The following ATXN1 variants were observed in gnomAD, a reference collection of about 807,000 sequenced individuals.
ATXN1 encodes ataxin-1.
A neutral mutation model predicts 56.4 loss-of-function variants in ATXN1; 8 were observed. That is an observed-to-expected ratio of 0.14 (90% CI 0.08 to 0.26). The LOEUF is 0.26. Ranked by LOEUF, ATXN1 falls within the 10% of genes least tolerant of loss-of-function variation. The pLI is 1.00. For synonymous variants in ATXN1, 514 were observed against 494.6 expected, an observed-to-expected ratio of 1.04 and a Z score of -0.52; for missense variants, 987 against 1,106.5, an observed-to-expected ratio of 0.89 and a Z score of 1.53.
At chr6:16,732,580 CAA>C (rs777300012) in intron 2 of ATXN1, among the ~76,000 whole-genome samples, 1 of 150,744 alleles carries the variant, frequency 6.6e-6, no homozygotes, top group East Asian at 1.9e-4. Flanking sequence ...CACACACACA[CAA>C]AAAAAAATCA....
At chr6:16,499,662 A>G (rs1760844741) in intron 5 of ATXN1, among the ~76,000 whole-genome samples, 1 of 152,182 alleles carries the variant, frequency 6.6e-6, no homozygotes, top group Non-Finnish European at 1.5e-5. Context: ...ACACCCACCC[A>G]TTAAGATTGG....
At chr6:16,538,321 C>T (rs1024073925) in intron 4 of ATXN1, among the ~76,000 whole-genome samples, 4 of 152,132 alleles carry the variant, frequency 2.6e-5, no homozygotes, top group African/African-American at 9.7e-5. Flanking sequence ...TAATATAGCA[C>T]AAAGCACTTA....
At chr6:16,565,105 C>A (rs1762192806) in intron 4 of ATXN1, among the ~76,000 whole-genome samples, 1 of 152,314 alleles carries the variant, frequency 6.6e-6, no homozygotes, top group Admixed American at 6.5e-5. Flanking sequence ...CATTCTGTTT[C>A]CCCATATGAG....
intron 6 of ATXN1, among the ~76,000 whole-genome samples, chr6:16,367,362 TCACACACACACACA>T (rs67144687): frequency 6.9e-6 from 1 of 144,458 alleles, no homozygotes; most frequent in Non-Finnish European, 1.5e-5. Context: ...TCTCTCTCTC[TCACACACACACACA>T]CACACACACA....
At chr6:16,559,330 C>T (rs1762072436) in intron 4 of ATXN1, among the ~76,000 whole-genome samples, 1 of 150,228 alleles carries the variant, frequency 6.7e-6, no homozygotes, top group Non-Finnish European at 1.5e-5. Context: ...GAGAGTTGTT[C>T]ACTGAAGCAT....
intron 3 of ATXN1, among the ~76,000 whole-genome samples, chr6:16,617,029 C>T (rs1004257154): frequency 6.6e-6 from 1 of 151,906 alleles, no homozygotes; most frequent in African/African-American, 2.4e-5. Flanking sequence ...TGTGTACGTA[C>T]AGGAAAAAAC....
chr6:16,364,697 C>T (rs977236553), intron 6 of ATXN1, among the ~76,000 whole-genome samples: 1 of 152,204 alleles, frequency 6.6e-6, no homozygotes, highest in African/African-American at 2.4e-5. Context: ...AGGCATTGAG[C>T]CCAATAGAAA....
At chr6:16,612,648 C>A (rs1763130528) in intron 3 of ATXN1, among the ~76,000 whole-genome samples, 1 of 152,042 alleles carries the variant, frequency 6.6e-6, no homozygotes, top group Admixed American at 6.5e-5. Flanking sequence ...AATCCCAGCA[C>A]TTTGGGAGGT....
intron 6 of ATXN1, among the ~76,000 whole-genome samples, chr6:16,441,236 G>A (rs770386405): frequency 1.3e-4 from 20 of 152,084 alleles, no homozygotes; most frequent in Admixed American, 2.0e-4. Flanking sequence ...AATCTAAATC[G>A]AACATGGCAG....
At chr6:16,594,058 T>A (rs987853375) in intron 3 of ATXN1, among the ~76,000 whole-genome samples, 1 of 149,234 alleles carries the variant, frequency 6.7e-6, no homozygotes, top group African/African-American at 2.4e-5. Context: ...AGTTCAATTA[T>A]TATATATTAG....
At chr6:16,365,848 T>C (rs1761906841) in intron 6 of ATXN1, among the ~76,000 whole-genome samples, 1 of 152,208 alleles carries the variant, frequency 6.6e-6, no homozygotes, top group South Asian at 2.1e-4. Flanking sequence ...TTATATAGAA[T>C]TACCTGTGTC....
In ATXN1 at chr6:16,326,241, T is replaced by C. The variant is rs938278558; in HGVS notation, c.1917+153A>G. Among the ~76,000 whole-genome samples the C allele has an allele frequency of 3.3e-5, 5 of 152,126 alleles. No individual in the cohort carries two copies. The highest frequency in any genetic ancestry group is 1.2e-4 in the African/African-American group (5 of 41,418). On this transcript the variant is annotated intron_variant, in intron 7 of 7. Transcript: ENST00000436367. The surrounding 1 kb of genome is among the most constrained non-coding windows in gnomAD (Gnocchi z 6.6). ...TCACGGGGAAATGGGGCTTATTTTT[T>C]CTAGAGAACGCAGTTGGGAAAGGCC...
intron 5 of ATXN1, among the ~76,000 whole-genome samples, chr6:16,490,567 C>T (rs550902656): frequency 1.2e-3 from 185 of 152,340 alleles, no homozygotes; most frequent in Non-Finnish European, 1.6e-3. Flanking sequence ...CTTCTAAATG[C>T]AGTGACCTTT....
At chr6:16,457,411 T>A (rs993919003) in intron 6 of ATXN1, among the ~76,000 whole-genome samples, 1 of 147,412 alleles carries the variant, frequency 6.8e-6, no homozygotes, top group African/African-American at 2.5e-5. Flanking sequence ...CTGCAGGCGG[T>A]TTTTTCTTTC....
chr6:16,743,264 T>C (rs759112136), intron 2 of ATXN1, among the ~76,000 whole-genome samples: 16 of 152,232 alleles, frequency 1.1e-4, no homozygotes, highest in Non-Finnish European at 1.9e-4. Context: ...AGCACTCTAT[T>C]ACGTACAGCT....
At chr6:16,361,548 C>G (rs144825320) in intron 6 of ATXN1, among the ~76,000 whole-genome samples, 1 of 152,110 alleles carries the variant, frequency 6.6e-6, no homozygotes, top group African/African-American at 2.4e-5. Flanking sequence ...GCTAAAAAAA[C>G]GTAACTTGTC....
At chr6:16,437,753 A>C (rs1270119623) in intron 6 of ATXN1, among the ~76,000 whole-genome samples, 1 of 152,154 alleles carries the variant, frequency 6.6e-6, no homozygotes, top group African/African-American at 2.4e-5. Flanking sequence ...ATTTCTCTTC[A>C]TCTCTTCCTA....
At chr6:16,370,979 G>A (rs1203336073) in intron 6 of ATXN1, among the ~76,000 whole-genome samples, 3 of 152,212 alleles carry the variant, frequency 2.0e-5, no homozygotes, top group Non-Finnish European at 4.4e-5. Context: ...TAGGAGCCAT[G>A]CCTGGGATGT....
intron 4 of ATXN1, among the ~76,000 whole-genome samples, chr6:16,584,129 G>A (rs906089806): frequency 1.3e-5 from 2 of 151,106 alleles, no homozygotes; most frequent in African/African-American, 2.4e-5. Flanking sequence ...GCTGGAATTT[G>A]AGCCCAGGCA....
Sources: allele counts gnomAD v4.1 joint callset (sites outside exome capture counted in the v4.1 genomes callset), GRCh38; gene constraint gnomAD v4.1.1; non-coding constraint Gnocchi (gnomAD v3.1); transcripts MANE v1.5; gene names NCBI Gene and HGNC (gene_info 2026-07-23, HGNC 2026-07-21).